Variants in SDK1 observed in about 807,000 individuals in gnomAD.
SDK1 encodes sidekick cell adhesion molecule 1.
A neutral mutation model predicts 245.5 loss-of-function variants in SDK1; 157 were observed. The ratio of observed to expected loss-of-function variants is 0.64; its 90% CI spans 0.56 to 0.73. The LOEUF (loss-of-function observed/expected upper bound fraction) is 0.73, where lower values mean the gene tolerates loss of function less well. Ranked by LOEUF, SDK1 falls within the 30% of genes least tolerant of loss-of-function variation. The probability of loss-of-function intolerance (pLI) is 0.00; values close to 1 mark genes in which losing one functional copy is unlikely to be tolerated. For missense variants in SDK1, 3,583 were observed against 3,002.3 expected, an observed-to-expected ratio of 1.19 and a Z score of -4.52; for synonymous variants, 1,647 against 1,278.5, an observed-to-expected ratio of 1.29 and a Z score of -6.15.
chr7:3,884,081 TTG>T lies in SDK1; in HGVS notation c.847+62500_847+62501del, dbSNP rs1203331556. 1.5e-3 allele frequency among the ~76,000 whole-genome samples: 208 copies of T among 137,380 alleles called. 2 individuals carry two copies. The South Asian group carries it at 0.019, about 13-fold the overall frequency. 90.1% of individuals were successfully genotyped at this position (137,380 alleles called of 152,430 possible). A position where few individuals can be genotyped will look rare whatever the true frequency, so the allele number is the denominator to read the frequency against. ...GTTTGTTTTTTGTTTGTTTGTTTTT[TTG>T]TTTTTTTTTTTTTTTGAGACAGGGT... On this transcript the variant is annotated intron_variant, in intron 5 of 44. Coordinates refer to ENST00000404826, the MANE Select transcript of SDK1 (RefSeq NM_152744.4).
intron 1 of SDK1, among the ~76,000 whole-genome samples, chr7:3,373,447 C>G (rs1357032771): frequency 1.3e-5 from 2 of 152,146 alleles, no homozygotes; most frequent in South Asian, 2.1e-4. Flanking sequence ...AGGTACTTGA[C>G]AAAACTTAAC....
At chr7:4,017,679 A>G (rs951873302) in intron 17 of SDK1, among the ~76,000 whole-genome samples, 5 of 152,204 alleles carry the variant, frequency 3.3e-5, no homozygotes, top group East Asian at 1.9e-4. Context: ...TTTCACAGGA[A>G]AGCTGGCTGT....
At chr7:3,764,957 T>C (rs1432310110) in intron 4 of SDK1, among the ~76,000 whole-genome samples, 2 of 152,164 alleles carry the variant, frequency 1.3e-5, no homozygotes, top group South Asian at 2.1e-4. Flanking sequence ...TAGTCTAATA[T>C]GTAAGGTTTA....
At chr7:3,931,721 T>C (rs1052770230) in intron 5 of SDK1, among the ~76,000 whole-genome samples, 2 of 152,182 alleles carry the variant, frequency 1.3e-5, no homozygotes, top group African/African-American at 4.8e-5. Flanking sequence ...TGCCTAGTTT[T>C]TTTCTCTTTC....
chr7:4,191,224 GTCC>G (rs1224380412), intron 35 of SDK1, among the ~76,000 whole-genome samples: 1 of 151,496 alleles, frequency 6.6e-6, no homozygotes. Flanking sequence ...CACGGTGGGT[GTCC>G]TCCTGGCCCC....
At chr7:3,996,193 T>G (rs1784687377) in intron 14 of SDK1, among the ~76,000 whole-genome samples, 1 of 152,196 alleles carries the variant, frequency 6.6e-6, no homozygotes, top group Non-Finnish European at 1.5e-5. Context: ...CTTTTTATAT[T>G]CAGAGGACCT....
intron 5 of SDK1, among the ~76,000 whole-genome samples, chr7:3,841,384 CA>C (rs1441366775): frequency 6.6e-6 from 1 of 152,150 alleles, no homozygotes. Context: ...TGCAGAGTTG[CA>C]GCTCAGGGCC....
At chr7:3,645,296 A>G (rs1476204107) in intron 4 of SDK1, among the ~76,000 whole-genome samples, 1 of 152,208 alleles carries the variant, frequency 6.6e-6, no homozygotes, top group Non-Finnish European at 1.5e-5. Flanking sequence ...CTCTAATCTC[A>G]GGAAAATAAT....
chr7:3,574,262 G>A (rs555964245), intron 1 of SDK1, among the ~76,000 whole-genome samples: 9 of 151,902 alleles, frequency 5.9e-5, no homozygotes, highest in Admixed American at 3.3e-4. Flanking sequence ...GATTGCAGGC[G>A]CCTGCCACCA....
intron 1 of SDK1, among the ~76,000 whole-genome samples, chr7:3,314,644 G>A (rs1354930852): frequency 6.6e-6 from 1 of 152,150 alleles, no homozygotes; most frequent in African/African-American, 2.4e-5. Context: ...TGTTATAGTT[G>A]GAAAGACAGA....
At chr7:3,664,711 G>T (rs555483506) in intron 4 of SDK1, among the ~76,000 whole-genome samples, 2 of 148,594 alleles carry the variant, frequency 1.3e-5, no homozygotes, top group East Asian at 4.0e-4. Flanking sequence ...CTGCACTCCA[G>T]CCTGGGCAAC....
At chr7:3,456,485 G>A (rs1308026196) in intron 1 of SDK1, among the ~76,000 whole-genome samples, 7 of 151,974 alleles carry the variant, frequency 4.6e-5, no homozygotes, top group Non-Finnish European at 8.8e-5. Context: ...TTTGTTATCT[G>A]CATTCTCTTA....
chr7:3,690,431 G>T (rs1177866764), intron 4 of SDK1, among the ~76,000 whole-genome samples: 1 of 152,112 alleles, frequency 6.6e-6, no homozygotes, highest in Non-Finnish European at 1.5e-5. Context: ...TAGTGGCAGG[G>T]ATTTATCCTT....
At chr7:4,017,095 G>A in intron 16 of SDK1, 76 bp from the exon 17 acceptor site, 1 of 1,405,668 alleles carries the variant, frequency 7.1e-7, no homozygotes. Flanking sequence ...CCCTAACCCT[G>A]CGGAATAACT....
chr7:3,426,486 T>G (rs973496843), intron 1 of SDK1, among the ~76,000 whole-genome samples: 17 of 152,190 alleles, frequency 1.1e-4, no homozygotes, highest in African/African-American at 4.1e-4. Flanking sequence ...ATGGTGATAA[T>G]AAGAGAAGCT....
intron 22 of SDK1, among the ~76,000 whole-genome samples, chr7:4,086,369 G>C (rs544003170): frequency 6.6e-6 from 1 of 152,212 alleles, no homozygotes; most frequent in Middle Eastern, 3.2e-3. Context: ...CTGCAGGTCA[G>C]AAGTCCAGCA....
intron 5 of SDK1, among the ~76,000 whole-genome samples, chr7:3,880,267 C>T (rs752316725): frequency 9.8e-4 from 149 of 152,308 alleles, no homozygotes; most frequent in Non-Finnish European, 1.9e-3. Context: ...AAATAAATCC[C>T]GAACAGCTGG....
At chr7:3,758,976 C>G (rs1420718991) in intron 4 of SDK1, among the ~76,000 whole-genome samples, 2 of 152,186 alleles carry the variant, frequency 1.3e-5, no homozygotes, top group Admixed American at 6.5e-5. Context: ...GTTTTCCTCC[C>G]TTGGTTACTT....
intron 5 of SDK1, among the ~76,000 whole-genome samples, chr7:3,918,896 C>T (rs1315668316): frequency 6.6e-6 from 1 of 152,124 alleles, no homozygotes; most frequent in African/African-American, 2.4e-5. Context: ...ATATTCGTGC[C>T]ACTTGCAGTT....
Sources: gnomAD v4.1 joint callset for allele counts (sites outside exome capture counted in the v4.1 genomes callset) on GRCh38, gnomAD v4.1.1 for gene constraint, MANE v1.5 for transcripts, NCBI Gene and HGNC (gene_info 2026-07-23, HGNC 2026-07-21) for gene names.